The following CAPN10 variants were observed in gnomAD, a reference collection of about 807,000 sequenced individuals.
CAPN10 encodes calpain 10.
A neutral mutation model predicts 78.4 loss-of-function variants in CAPN10; 71 were observed. The ratio of observed to expected loss-of-function variants is 0.91; its 90% CI spans 0.75 to 1.10. The LOEUF (loss-of-function observed/expected upper bound fraction) is 1.10. CAPN10 is among the 50% of genes least tolerant of loss of function. CAPN10 has a pLI of 0.00. For missense variants in CAPN10, 849 were observed against 924.6 expected (o/e 0.92, Z 1.06); for synonymous variants, 437 against 407.2 (o/e 1.07, Z -0.88).
chr2:240,592,216 C>T, intron 4 of CAPN10, 66 bp downstream of exon 4: 5 of 1,350,664 alleles, frequency 3.7e-6, no homozygotes, highest in Non-Finnish European at 5.2e-6. Context: ...GCCTCAGGCA[C>T]ACTGTAGCTT....
intron 7 of CAPN10, chr2:240,595,896 G>C (rs1184017326): frequency 3.9e-6 from 5 of 1,297,966 alleles, no homozygotes; most frequent in Non-Finnish European, 5.1e-6. Context: ...CCGGCTGCTC[G>C]CTCAGGGGCT....
At chr2:240,589,256 A>G in intron 1 of CAPN10, 87 bp from the exon 2 acceptor site, 1 of 1,568,322 alleles carries the variant, frequency 6.4e-7, no homozygotes, top group East Asian at 2.2e-5. Flanking sequence ...CTCCACCCCA[A>G]CTCCTGTCAT....
chr2:240,597,744 T>C, intron 9 of CAPN10, 144 bp from the exon 10 acceptor site: 2 of 745,058 alleles, frequency 2.7e-6, no homozygotes, highest in South Asian at 4.1e-5. Context: ...AGGAGGCGAG[T>C]CCAGTGTCCA....
chr2:240,589,374 A>G lies in CAPN10; in HGVS notation c.173A>G (p.Asp58Gly). The G allele has an allele frequency of 6.2e-7, 1 of 1,614,120 alleles. No individual in the cohort carries two copies. Among genetic ancestry groups the G allele is most frequent in the Non-Finnish European group, 8.5e-7 (1 of 1,180,008 alleles). Reference protein sequence around the residue: ...EICATPRLFPDDPREGQVKQG... With the variant: ...EICATPRLFPGDPREGQVKQG... Reference sequence around the variant, plus strand: ...TGTGCCACACCCCGGCTGTTTCCAGATGACCCACGGGAAGGGCAGGTGAAG... The same window carrying G: ...TGTGCCACACCCCGGCTGTTTCCAGGTGACCCACGGGAAGGGCAGGTGAAG... The change falls in exon 2 of 12, where the codon GAT (aspartate) becomes GGT (glycine). Residue 58 changes from aspartate (D) to glycine (G), a missense_variant. Physicochemically the swap from Asp to Gly is moderately conservative, Grantham distance 94. Coordinates refer to ENST00000391984, the MANE Select transcript of CAPN10 (RefSeq NM_023083.4).
chr2:240,587,187 G>C (rs963822713), intron 1 of CAPN10, 135 bp downstream of exon 1: 1 of 427,544 alleles, frequency 2.3e-6, no homozygotes, highest in Non-Finnish European at 4.0e-6. Context: ...AGAAGTGGGC[G>C]CCCGGCCCCC....
intron 3 of CAPN10, 118 bp downstream of exon 3, chr2:240,591,129 G>T: frequency 2.3e-6 from 2 of 873,380 alleles, no homozygotes; most frequent in Non-Finnish European, 3.5e-6. Context: ...TCAGTTCTGA[G>T]GGTCTGGCAG....
At position 240,591,948 on chromosome 2, in the gene CAPN10, C is replaced by T. The variant is rs140653709; in HGVS notation, c.486C>T (p.Tyr162=). ...EKVYAKVHGS[Y]EHLWAGQVAD... ...TGTCCCCTAGGGTCCATGGGTCCTA[C>T]GAGCACCTGTGGGCCGGGCAGGTGG... Residue 162 remains tyrosine (Y), a synonymous_variant, in exon 4 of 12, where the codon TAC becomes TAT. Transcript: ENST00000391984. 199 of 1,613,240 alleles carry T rather than the reference C, an allele frequency of 1.2e-4. 1 individual carries two copies. In the African/African-American group the frequency reaches 2.3e-3, roughly 18 times the overall value.
Position 240,598,938 on chromosome 2 carries a change from C to A in CAPN10, c.*258C>A. 1.8e-6 allele frequency: 1 copy of A among 562,530 alleles called. No individual in the cohort carries two copies. 34.8% of individuals were successfully genotyped at this position (562,530 alleles called of 1,614,324 possible). ...GTTGCGCCACTGAGACGGCAGAGAC[C>A]CCAGGATCCCAGAGCTTCCCAGGAT... is the stretch of plus-strand genomic sequence containing the variant. On this transcript the variant is annotated 3_prime_UTR_variant, in exon 12 of 12. Transcript: ENST00000391984.
chr2:240,594,883 G>A (rs1190005612), intron 6 of CAPN10, 141 bp from the exon 7 acceptor site: 11 of 1,107,144 alleles, frequency 9.9e-6, no homozygotes, highest in East Asian at 2.5e-5. Context: ...GAGCTGGGAG[G>A]AGGGTGGGCT....
rs370726283 is a variant in CAPN10 at position 240,595,215 on chromosome 2, C to T, written c.1189C>T (p.Arg397Trp). Residue 397 changes from arginine (R) to tryptophan (W), a missense_variant, in exon 7 of 12, where the codon CGG (arginine) becomes TGG (tryptophan). By Grantham distance (101) the Arg-to-Trp change is moderately radical. Transcript: ENST00000391984. ...CGCGGCGGACTGGGCAGGCCGGGCC[C>T]GGGCACTGGTGGGTGACAGTCATAC... ...LHAADWAGRA[R>W]ALVGDSHTSW... 163 of 1,613,662 alleles carry T rather than the reference C, an allele frequency of 1.0e-4. No homozygotes were observed. Among genetic ancestry groups the T allele is most frequent in the South Asian group, 3.4e-4 (31 of 91,080 alleles).
intron 1 of CAPN10, among the ~76,000 whole-genome samples, chr2:240,587,762 T>G (rs907409902): frequency 1.3e-5 from 2 of 152,170 alleles, no homozygotes; most frequent in Non-Finnish European, 2.9e-5. Context: ...GAGGCAAGGG[T>G]CAGACCATGT....
Position 240,597,882 on chromosome 2 carries a change from C to T in CAPN10, c.1744-6C>T, listed in dbSNP as rs1035801717. ...CCCCCTCAGTCTGAGCCTGCGCTTT[C>T]CTCAGGTCCCAGAGGGTGGAAGGAG... On this transcript the variant is annotated splice_region_variant and splice_polypyrimidine_tract_variant and intron_variant, in intron 9 of 11. Coordinates refer to ENST00000391984, the MANE Select transcript of CAPN10 (RefSeq NM_023083.4). The T allele has an allele frequency of 4.4e-6, 7 of 1,588,648 alleles. No homozygotes were observed. Among genetic ancestry groups the T allele is most frequent in the Non-Finnish European group, 6.0e-6 (7 of 1,169,154 alleles).
chr2:240,595,396 C>G (rs2093130498), intron 7 of CAPN10, 92 bp downstream of exon 7: 1 of 1,375,380 alleles, frequency 7.3e-7, no homozygotes, highest in African/African-American at 1.4e-5. Flanking sequence ...TGCCGGGACA[C>G]ATGTGACTCT....
intron 3 of CAPN10, chr2:240,591,436 A>T (rs2093101414): frequency 4.4e-6 from 1 of 229,120 alleles, no homozygotes; most frequent in African/African-American, 2.3e-5. Flanking sequence ...TCAGGGGACC[A>T]GGACCCTCAC....
rs1445465336 is a variant in CAPN10 at position 240,597,890 on chromosome 2, C to G, written c.1746C>G (p.Val582=). Residue 582 remains valine, a splice_region_variant and synonymous_variant, in exon 10 of 12, where the codon GTC becomes GTG. Coordinates refer to ENST00000391984, the MANE Select transcript of CAPN10 (RefSeq NM_023083.4). ...FHPIGFHIFQ[V]PEGGRSQDAP... is the part of the protein sequence containing the mutation. ...GTCTGAGCCTGCGCTTTCCTCAGGT[C>G]CCAGAGGGTGGAAGGAGCCAGGACG... 3 of 1,595,452 alleles carry G rather than the reference C, an allele frequency of 1.9e-6. No homozygotes were observed. The highest frequency in any genetic ancestry group is 2.6e-6 in the Non-Finnish European group (3 of 1,172,468).
In CAPN10 at chr2:240,596,522, G is replaced by A. The variant is rs1257156392; in HGVS notation, c.1481+1G>A. ...TCTCTACCGGGCGAGTCTCCCTTAG[G>A]TGAGAGGAACCGCGCAGTGCTGCTG... On this transcript the variant is annotated splice_donor_variant, in intron 8 of 11. Transcript: ENST00000391984. LOFTEE classifies it high-confidence loss of function. The A allele has an allele frequency of 2.5e-6, 4 of 1,602,284 alleles. No individual in the cohort carries two copies. The highest frequency in any genetic ancestry group is 1.7e-5 in the Admixed American group (1 of 59,546).
At position 240,595,256 on chromosome 2, in the gene CAPN10, G is replaced by A. The variant is rs758982958; in HGVS notation, c.1230G>A (p.Ala410=). The stretch of plus-strand genomic sequence containing the variant: ...ACAGTCATACTTCGTGGAGCCCAGC[G>A]AGCATCCCGGGCAAGCACTACCAGG... ...VGDSHTSWSP[A]SIPGKHYQAV... The change falls in exon 7 of 12, where the codon GCG becomes GCA. Residue 410 remains alanine, a synonymous_variant. Coordinates refer to ENST00000391984, the MANE Select transcript of CAPN10 (RefSeq NM_023083.4). 9 of 1,613,634 alleles carry A rather than the reference G, an allele frequency of 5.6e-6. No homozygotes were observed. The highest frequency in any genetic ancestry group is 2.2e-5 in the East Asian group (1 of 44,874).
Position 240,596,509 on chromosome 2 carries a change from G to C in CAPN10, c.1469G>C (p.Arg490Pro), listed in dbSNP as rs752192395. The stretch of plus-strand genomic sequence containing the variant: ...CTGCTCCGAGTCTTCTCTACCGGGC[G>C]AGTCTCCCTTAGGTGAGAGGAACCG... ...EFLLRVFSTG[R>P]VSLSAIRAVA... The change falls in exon 8 of 12, where the codon CGA becomes CCA. Residue 490 changes from arginine to proline, a missense_variant. By Grantham distance (103) the Arg-to-Pro change is moderately radical. Coordinates refer to ENST00000391984, the MANE Select transcript of CAPN10 (RefSeq NM_023083.4). 6.2e-7 allele frequency: 1 copy of C among 1,608,248 alleles called. No homozygotes were observed. Among genetic ancestry groups the C allele is most frequent in the African/African-American group, 1.3e-5 (1 of 74,966 alleles).
At chr2:240,593,850 C>A in intron 4 of CAPN10, 56 bp from the exon 5 acceptor site, 1 of 1,527,750 alleles carries the variant, frequency 6.5e-7, no homozygotes, top group South Asian at 1.3e-5. Flanking sequence ...GTGTCCTTGT[C>A]AGTTTGGGAC....
Sources: gnomAD v4.1 joint callset for allele counts (sites outside exome capture counted in the v4.1 genomes callset) on GRCh38, gnomAD v4.1.1 for gene constraint, MANE v1.5 for transcripts, NCBI Gene and HGNC (gene_info 2026-07-23, HGNC 2026-07-21) for gene names.